The following SLC24A3 variants were observed in gnomAD, a reference collection of about 807,000 sequenced individuals.
SLC24A3 encodes solute carrier family 24 member 3, also known as sodium/potassium/calcium exchanger 3.
In SLC24A3, 28 loss-of-function variants were observed where a neutral mutation model predicts 75.8. The ratio of observed to expected loss-of-function variants is 0.37; its 90% CI spans 0.27 to 0.51. SLC24A3 has a LOEUF of 0.51. Ranked by LOEUF, SLC24A3 falls within the 20% of genes least tolerant of loss-of-function variation. SLC24A3 has a pLI of 0.94. For missense variants in SLC24A3, 663 were observed against 847.8 expected (o/e 0.78, Z 2.71); for synonymous variants, 372 against 334.1 (o/e 1.11, Z -1.24).
intron 1 of SLC24A3, among the ~76,000 whole-genome samples, chr20:19,248,823 G>A (rs192957560): frequency 1.6e-4 from 25 of 151,790 alleles, no homozygotes; most frequent in Non-Finnish European, 1.5e-4. Flanking sequence ...AGACTTGAAA[G>A]ATGATGTCAG....
chr20:19,220,988 A>G (rs139028176), intron 1 of SLC24A3, among the ~76,000 whole-genome samples: 5 of 152,300 alleles, frequency 3.3e-5, no homozygotes, highest in Non-Finnish European at 7.4e-5. Flanking sequence ...GGATGTGAAT[A>G]TATGTGTTTT....
intron 2 of SLC24A3, among the ~76,000 whole-genome samples, chr20:19,468,464 G>A (rs560072350): frequency 9.2e-5 from 14 of 152,128 alleles, no homozygotes; most frequent in African/African-American, 3.4e-4. Flanking sequence ...GAGAGTATGG[G>A]TATAGAGACC....
intron 2 of SLC24A3, among the ~76,000 whole-genome samples, chr20:19,477,461 G>T (rs377072349): frequency 6.6e-6 from 1 of 152,222 alleles, no homozygotes; most frequent in Admixed American, 6.5e-5. Context: ...AAAAAGGTGA[G>T]ATTTTAATAG....
chr20:19,327,806 A>C (rs11905882), intron 2 of SLC24A3, among the ~76,000 whole-genome samples: 13,709 of 152,100 alleles, frequency 0.09, 1,992 homozygotes, highest in African/African-American at 0.31. Flanking sequence ...CATTCAATGT[A>C]TATTTATTGG....
chr20:19,401,025 G>A (rs1226020007), intron 2 of SLC24A3, among the ~76,000 whole-genome samples: 1 of 152,150 alleles, frequency 6.6e-6, no homozygotes, highest in African/African-American at 2.4e-5. Flanking sequence ...TCATAAGGCT[G>A]TTATCGAGTG....
intron 6 of SLC24A3, among the ~76,000 whole-genome samples, chr20:19,628,202 C>CAAAAAAAA (rs776701707): frequency 6.4e-4 from 33 of 51,678 alleles, no homozygotes; most frequent in Non-Finnish European, 1.0e-3. Context: ...GACTCCATCT[C>CAAAAAAAA]AAAAAAAAAA....
intron 2 of SLC24A3, among the ~76,000 whole-genome samples, chr20:19,505,930 C>T (rs1988456657): frequency 6.6e-6 from 1 of 152,166 alleles, no homozygotes; most frequent in Non-Finnish European, 1.5e-5. Flanking sequence ...CATATTTCTC[C>T]CTCTCCATTA....
intron 2 of SLC24A3, among the ~76,000 whole-genome samples, chr20:19,444,709 T>G (rs1987351185): frequency 6.6e-6 from 1 of 152,208 alleles, no homozygotes; most frequent in African/African-American, 2.4e-5. Flanking sequence ...TGTCTTCTTT[T>G]ATTTTTCTTT....
rs900296088 is a variant in SLC24A3, at chr20:19,711,494, GCA to G, written c.1720-6028_1720-6027del. Among the ~76,000 whole-genome samples, 37 of 147,622 alleles carry G rather than the reference GCA, an allele frequency of 2.5e-4. 1 individual carries two copies. Among genetic ancestry groups the G allele is most frequent in the African/African-American group, 8.0e-4 (32 of 39,860 alleles). Reference sequence around the variant, plus strand: ...CAAATGCAAACACATGCAGGCAAATGCACACACGTGCATGCAAACATGCAGGC... The same window carrying G: ...CAAATGCAAACACATGCAGGCAAATGCACACGTGCATGCAAACATGCAGGC... On this transcript the variant is annotated intron_variant, in intron 15 of 16. Coordinates refer to ENST00000328041, the MANE Select transcript of SLC24A3 (RefSeq NM_020689.4).
chr20:19,546,540 C>T (rs1371131330), intron 3 of SLC24A3, among the ~76,000 whole-genome samples: 2 of 152,232 alleles, frequency 1.3e-5, no homozygotes, highest in Non-Finnish European at 2.9e-5. Flanking sequence ...CCACTCTTCA[C>T]CTCCTCCCTG....
rs189752159 is a variant in SLC24A3, at chr20:19,410,146, A to G, written c.272-105342A>G. The stretch of plus-strand genomic sequence containing the variant: ...ATTAGCTAGAAAAACGTTGGAAGGA[A>G]CCATGTAACAAAGCAAGTTCCTCCC... On this transcript the variant is annotated intron_variant, in intron 2 of 16. Coordinates refer to ENST00000328041, the MANE Select transcript of SLC24A3 (RefSeq NM_020689.4). Among the ~76,000 whole-genome samples the G allele has an allele frequency of 4.6e-5, 7 of 152,266 alleles. No homozygotes were observed. The East Asian group carries it at 1.2e-3, about 25-fold the overall frequency.
intron 15 of SLC24A3, among the ~76,000 whole-genome samples, chr20:19,707,196 C>G (rs1194754123): frequency 6.6e-6 from 1 of 152,192 alleles, no homozygotes; most frequent in Admixed American, 6.5e-5. Context: ...GAGTATCACA[C>G]AGCCAAGCCC....
At chr20:19,689,173 A>G (rs1285658671) in intron 12 of SLC24A3, among the ~76,000 whole-genome samples, 1 of 152,254 alleles carries the variant, frequency 6.6e-6, no homozygotes, top group East Asian at 1.9e-4. Context: ...AGGTTTTTCC[A>G]AAGCAAAATT....
intron 3 of SLC24A3, among the ~76,000 whole-genome samples, chr20:19,520,289 G>GT (rs2030075081): frequency 6.6e-6 from 1 of 152,180 alleles, no homozygotes; most frequent in African/African-American, 2.4e-5. Flanking sequence ...GCCCTGAGAT[G>GT]TCCCATAGGA....
intron 1 of SLC24A3, among the ~76,000 whole-genome samples, chr20:19,241,462 G>A (rs568351835): frequency 6.2e-4 from 95 of 152,282 alleles, no homozygotes; most frequent in South Asian, 4.6e-3. Flanking sequence ...CAGGCCACTC[G>A]GTTTCTCCAT....
chr20:19,640,867 CT>C (rs2032068691), intron 6 of SLC24A3, among the ~76,000 whole-genome samples: 4 of 152,104 alleles, frequency 2.6e-5, no homozygotes, highest in Admixed American at 1.3e-4. Flanking sequence ...ATTTATGACC[CT>C]TTTGTCTCCT....
chr20:19,344,987 A>G (rs1013419098), intron 2 of SLC24A3, among the ~76,000 whole-genome samples: 1 of 152,230 alleles, frequency 6.6e-6, no homozygotes, highest in Non-Finnish European at 1.5e-5. Flanking sequence ...TAGACAATGT[A>G]GTGAGACCAG....
chr20:19,359,105 A>G (rs1985740441), intron 2 of SLC24A3, among the ~76,000 whole-genome samples: 1 of 152,184 alleles, frequency 6.6e-6, no homozygotes, highest in African/African-American at 2.4e-5. Context: ...TGGTTTGAAC[A>G]CCTGAATTTA....
intron 1 of SLC24A3, among the ~76,000 whole-genome samples, chr20:19,233,054 A>G (rs1298398396): frequency 2.6e-5 from 4 of 152,226 alleles, no homozygotes; most frequent in South Asian, 2.1e-4. Context: ...TTTTAAACAG[A>G]TATCTTGTTT....
Sources: allele counts gnomAD v4.1 joint callset (sites outside exome capture counted in the v4.1 genomes callset), GRCh38; gene constraint gnomAD v4.1.1; transcripts MANE v1.5; gene names NCBI Gene and HGNC (gene_info 2026-07-23, HGNC 2026-07-21).